The following TBC1D8 variants were observed in gnomAD, a reference collection of about 807,000 sequenced individuals.
TBC1D8 encodes the protein TBC1 domain family member 8.
TBC1D8 carries 65 observed loss-of-function variants against 118.8 expected under a neutral mutation model. The ratio of observed to expected loss-of-function variants is 0.55; its 90% CI spans 0.45 to 0.67. TBC1D8 has a LOEUF of 0.67. TBC1D8 is among the 30% of genes least tolerant of loss of function. The probability of loss-of-function intolerance (pLI) is 0.00; values close to 1 mark genes in which losing one functional copy is unlikely to be tolerated. For missense variants in TBC1D8, 1,376 were observed against 1,471.2 expected (o/e 0.94, Z 1.06); for synonymous variants, 566 against 595.8 (o/e 0.95, Z 0.73).
At chr2:101,150,150 C>A (rs1024697030) in intron 1 of TBC1D8, among the ~76,000 whole-genome samples, 1 of 152,194 alleles carries the variant, frequency 6.6e-6, no homozygotes, top group Non-Finnish European at 1.5e-5. Context: ...TAGTACATCT[C>A]CTACCAGACT....
At chr2:101,137,461 C>T (rs1454160975) in intron 1 of TBC1D8, among the ~76,000 whole-genome samples, 5 of 151,974 alleles carry the variant, frequency 3.3e-5, no homozygotes, top group East Asian at 1.9e-4. Context: ...TACAGGCGCC[C>T]GCCACCACAC....
chr2:101,080,160 ATTTAAAACAG>A (rs1436944381), intron 2 of TBC1D8, among the ~76,000 whole-genome samples: 1 of 152,144 alleles, frequency 6.6e-6, no homozygotes, highest in Admixed American at 6.6e-5. Flanking sequence ...AAATGACTTT[ATTTAAAACAG>A]TAAGAGCCTG....
At chr2:101,057,394 C>T (rs1286105336) in intron 3 of TBC1D8, among the ~76,000 whole-genome samples, 2 of 152,222 alleles carry the variant, frequency 1.3e-5, no homozygotes, top group Non-Finnish European at 2.9e-5. Flanking sequence ...AGCCTAAAGG[C>T]CTTTTCCCTA....
chr2:101,080,643 C>A (rs1675201046), intron 2 of TBC1D8, among the ~76,000 whole-genome samples: 1 of 152,162 alleles, frequency 6.6e-6, no homozygotes, highest in Admixed American at 6.6e-5. Flanking sequence ...CCTGGCAAGT[C>A]CCTGAGCTCC....
Position 101,027,458 on chromosome 2 carries a change from G to C in TBC1D8, c.2452-7C>G, listed in dbSNP as rs1002724490. On this transcript the variant is annotated splice_polypyrimidine_tract_variant and splice_region_variant and intron_variant, in intron 14 of 19. Transcript: ENST00000409318. ...CCGGGATAACGACTCGAAGCTTGAG[G>C]AAAGAATAAACAGCAATGGCGTGAA... The C allele has an allele frequency of 1.1e-5, 18 of 1,612,642 alleles. No individual in the cohort carries two copies. In the African/African-American group the frequency reaches 2.3e-4, roughly 20 times the overall value.
At chr2:101,089,973 G>A (rs1675912441) in intron 2 of TBC1D8, among the ~76,000 whole-genome samples, 1 of 149,466 alleles carries the variant, frequency 6.7e-6, no homozygotes, top group Non-Finnish European at 1.5e-5. Context: ...GGTTGAGAGG[G>A]AGGGGCAGAA....
intron 2 of TBC1D8, among the ~76,000 whole-genome samples, chr2:101,086,886 C>T (rs868342607): frequency 1.3e-5 from 2 of 151,954 alleles, no homozygotes; most frequent in African/African-American, 2.4e-5. Flanking sequence ...TGGGCTCAAG[C>T]GATTCTCCTG....
Position 101,028,008 on chromosome 2 carries a change from C to T in TBC1D8, c.2451+40G>A, listed in dbSNP as rs777769167. On this transcript the variant is annotated intron_variant, in intron 14 of 19. Coordinates refer to ENST00000409318, the MANE Select transcript of TBC1D8 (RefSeq NM_001330348.2). ...GGATGCGCACTCCCAGGTTGGCTCC[C>T]CAATACCGTGATCACCGGGGTGAGG... The T allele has an allele frequency of 5.0e-6, 8 of 1,600,072 alleles. No individual in the cohort carries two copies. The Admixed American group carries it at 1.0e-4, about 20-fold the overall frequency.
chr2:101,043,802 T>C (rs992816761), intron 5 of TBC1D8, among the ~76,000 whole-genome samples: 2 of 152,048 alleles, frequency 1.3e-5, no homozygotes, highest in Non-Finnish European at 2.9e-5. Context: ...TAACTGGGCA[T>C]GGTGACGGGT....
chr2:101,044,036 C>A (rs369585398), intron 5 of TBC1D8, among the ~76,000 whole-genome samples: 4 of 152,220 alleles, frequency 2.6e-5, no homozygotes, highest in African/African-American at 9.6e-5. Context: ...TGAGTTCAAT[C>A]GGCTTCTCTC....
At chr2:101,037,803 AC>A (rs1429470362) in intron 7 of TBC1D8, 95 bp from the exon 8 acceptor site, 2 of 1,502,824 alleles carry the variant, frequency 1.3e-6, no homozygotes, top group Admixed American at 3.5e-5. Context: ...CTTTGGATGC[AC>A]GGGCATAGCA....
intron 3 of TBC1D8, 94 bp downstream of exon 3, chr2:101,059,327 A>T: frequency 1.1e-6 from 1 of 924,468 alleles, no homozygotes; most frequent in African/African-American, 1.7e-5. Context: ...AAGTTCAGTT[A>T]GTAGGAAAAA....
At chr2:101,073,260 ATT>A (rs111766054) in intron 2 of TBC1D8, among the ~76,000 whole-genome samples, 2 of 149,630 alleles carry the variant, frequency 1.3e-5, no homozygotes, top group Admixed American at 6.6e-5. Flanking sequence ...ACATTGTTTT[ATT>A]TTTTTTATTT....
intron 19 of TBC1D8, among the ~76,000 whole-genome samples, chr2:101,009,406 CAAAAAAAAA>C (rs70943054): frequency 2.0e-5 from 2 of 97,762 alleles, no homozygotes; most frequent in East Asian, 7.0e-4. Context: ...ACTCTGTCTC[CAAAAAAAAA>C]AAAAAAAAGA....
intron 15 of TBC1D8, among the ~76,000 whole-genome samples, chr2:101,023,393 G>A (rs971407231): frequency 1.3e-4 from 20 of 151,944 alleles, no homozygotes; most frequent in Middle Eastern, 3.4e-3. Flanking sequence ...TGATCCACTC[G>A]CCTTGGCCTC....
At chr2:101,132,616 T>A (rs1678644629) in intron 1 of TBC1D8, among the ~76,000 whole-genome samples, 2 of 152,192 alleles carry the variant, frequency 1.3e-5, no homozygotes. Context: ...TGAGATAGGA[T>A]CTCACTCTGC....
Position 101,033,741 on chromosome 2 carries a change from C to T in TBC1D8, c.1621G>A (p.Ala541Thr), listed in dbSNP as rs1680822712. The T allele has an allele frequency of 6.2e-7, 1 of 1,612,862 alleles. No homozygotes were observed. The highest frequency in any genetic ancestry group is 1.3e-5 in the African/African-American group (1 of 74,888). ...LLFSDAVTDL[A>T]SHPGYYGNLV... is the part of the protein sequence containing the mutation. The stretch of plus-strand genomic sequence containing the variant: ...TTCCCGTAGTAACCAGGGTGTGAGG[C>T]AAGATCCGTCACCGCATCTGAGTTT... The change falls in exon 10 of 20, where the codon GCC (alanine) becomes ACC (threonine). Residue 541 changes from alanine (A) to threonine (T), a missense_variant. By Grantham distance (58) the Ala-to-Thr change is moderately conservative. Transcript: ENST00000409318.
intron 1 of TBC1D8, among the ~76,000 whole-genome samples, chr2:101,108,341 G>C (rs533449088): frequency 6.6e-6 from 1 of 152,270 alleles, no homozygotes; most frequent in South Asian, 2.1e-4. Context: ...GTAATGTGTT[G>C]TCCTGAATGG....
chr2:101,147,085 G>A (rs539581707), intron 1 of TBC1D8, among the ~76,000 whole-genome samples: 1 of 152,212 alleles, frequency 6.6e-6, no homozygotes, highest in Admixed American at 6.5e-5. Flanking sequence ...GGCCGAGGCC[G>A]AGGCCGAGGC....
Sources: gnomAD v4.1 joint callset for allele counts (sites outside exome capture counted in the v4.1 genomes callset) on GRCh38, gnomAD v4.1.1 for gene constraint, MANE v1.5 for transcripts, NCBI Gene and HGNC (gene_info 2026-07-23, HGNC 2026-07-21) for gene names.